The following NCS1 variants were observed in gnomAD, a reference collection of about 807,000 sequenced individuals.
NCS1 encodes the protein neuronal calcium sensor 1.
A neutral mutation model predicts 28.4 loss-of-function variants in NCS1; 6 were observed. That is an observed-to-expected ratio of 0.21 (90% CI 0.12 to 0.42). The LOEUF is 0.42. NCS1 is among the 10% of genes least tolerant of loss of function. The pLI is 1.00. For missense variants in NCS1, 131 were observed against 241.4 expected (o/e 0.54, Z 3.03); for synonymous variants, 86 against 99.3 (o/e 0.87, Z 0.79).
intron 2 of NCS1, 131 bp from the exon 3 acceptor site, chr9:130,217,701 T>C: frequency 7.4e-7 from 1 of 1,346,782 alleles, no homozygotes; most frequent in South Asian, 1.2e-5. Flanking sequence ...ATCAAGTCCA[T>C]GGCCCCATGG....
chr9:130,178,460 AG>A (rs1832606113), intron 1 of NCS1, among the ~76,000 whole-genome samples: 1 of 152,200 alleles, frequency 6.6e-6, no homozygotes, highest in Non-Finnish European at 1.5e-5. Context: ...TCCCCGGCAG[AG>A]GCCTTGGGAT....
Position 130,186,252 on chromosome 9 carries a change from G to A in NCS1, c.64+13525G>A, listed in dbSNP as rs1215850989. On this transcript the variant is annotated intron_variant, in intron 1 of 7. Transcript: ENST00000372398. This position sits in a 1 kb window ranked among gnomAD's most constrained non-coding sequence, Gnocchi z 4.1. ...GCCCTGCTGGCATTCACAGTTTGGC[G>A]GGGAGGCAGATGTCAGGCTGGGATA... Among the ~76,000 whole-genome samples the A allele has an allele frequency of 3.9e-5, 6 of 152,188 alleles. No homozygotes were observed. Among genetic ancestry groups the A allele is most frequent in the East Asian group, 1.9e-4 (1 of 5,178 alleles).
At position 130,172,712 on chromosome 9, in the gene NCS1, A is replaced by G; in HGVS notation, c.49A>G (p.Thr17Ala). The change falls in exon 1 of 8, where the codon ACC becomes GCC. Residue 17 changes from threonine (T) to alanine (A), a missense_variant. Thr to Ala is a moderately conservative substitution (Grantham distance 58, BLOSUM62 0). Transcript: ENST00000372398. ...KLKPEVVEEL[T>A]RKTYFTEKEV... is the part of the protein sequence containing the mutation. ...GAAGCCCGAAGTTGTGGAGGAGCTG[A>G]CCAGGAAGACCTACTGTGAGTGCTC... is the stretch of plus-strand genomic sequence containing the variant. The G allele has an allele frequency of 6.6e-7, 1 of 1,511,548 alleles. No homozygotes were observed. The highest frequency in any genetic ancestry group is 8.9e-7 in the Non-Finnish European group (1 of 1,124,592). 93.6% of individuals were successfully genotyped at this position (1,511,548 alleles called of 1,614,324 possible).
rs1833249186 is a variant in NCS1, at chr9:130,219,776, C to T, written c.280C>T (p.Arg94Trp). ...CATCCAGGCGCTGTCGGTGACCTCA[C>T]GGGGAACCCTGGATGAGAAGCTACG... is the stretch of plus-strand genomic sequence containing the variant. ...EFIQALSVTS[R>W]GTLDEKLRWA... The change falls in exon 4 of 8, where the codon CGG (arginine) becomes TGG (tryptophan). Residue 94 changes from arginine (R) to tryptophan (W), a missense_variant. Coordinates refer to ENST00000372398, the MANE Select transcript of NCS1 (RefSeq NM_014286.4). This position sits in a 1 kb window ranked among gnomAD's most constrained non-coding sequence, Gnocchi z 5.7. 4 of 1,614,230 alleles carry T rather than the reference C, an allele frequency of 2.5e-6. No individual in the cohort carries two copies. Among genetic ancestry groups the T allele is most frequent in the African/African-American group, 1.3e-5 (1 of 75,062 alleles).
chr9:130,189,325 C>G (rs1366779733), intron 1 of NCS1, among the ~76,000 whole-genome samples: 2 of 152,200 alleles, frequency 1.3e-5, no homozygotes, highest in African/African-American at 2.4e-5. Flanking sequence ...TACCCAAGGT[C>G]ACTTGTCTAC....
intron 1 of NCS1, among the ~76,000 whole-genome samples, chr9:130,198,524 G>A (rs868934173): frequency 2.6e-5 from 4 of 152,208 alleles, no homozygotes; most frequent in Admixed American, 2.6e-4. Flanking sequence ...ATCTCTAGGG[G>A]CACCGTCCCA....
intron 1 of NCS1, among the ~76,000 whole-genome samples, chr9:130,198,485 G>T (rs545439331): frequency 6.6e-6 from 1 of 152,334 alleles, no homozygotes; most frequent in South Asian, 2.1e-4. Context: ...CAGACTCAAG[G>T]AGTTGTATCC....
chr9:130,234,295 TTCCAGGCAA>T lies in NCS1; in HGVS notation c.*1327_*1335del, dbSNP rs1554912571. ...TGGGAGGGAGGGAAGGAGAGAAGAG[TTCCAGGCAA>T]TCCCATCAATATAGTCCCTACACCT... is the stretch of plus-strand genomic sequence containing the variant. On this transcript the variant is annotated 3_prime_UTR_variant, in exon 8 of 8. Coordinates refer to ENST00000372398, the MANE Select transcript of NCS1 (RefSeq NM_014286.4). This position sits in a 1 kb window ranked among gnomAD's most constrained non-coding sequence, Gnocchi z 6.1. The T allele has an allele frequency of 6.6e-6, 1 of 152,004 alleles. No individual in the cohort carries two copies. The highest frequency in any genetic ancestry group is 2.4e-5 in the African/African-American group (1 of 41,324). 9.4% of individuals were successfully genotyped at this position (152,004 alleles called of 1,614,324 possible). A position where few individuals can be genotyped will look rare whatever the true frequency, so the allele number is the denominator to read the frequency against.
chr9:130,195,188 C>A (rs1195872098), intron 1 of NCS1, among the ~76,000 whole-genome samples: 1 of 152,226 alleles, frequency 6.6e-6, no homozygotes, highest in Non-Finnish European at 1.5e-5. Context: ...CGGGGTCACT[C>A]ATCCAAGACC....
chr9:130,206,050 G>A (rs1371525632), intron 2 of NCS1, among the ~76,000 whole-genome samples: 2 of 152,146 alleles, frequency 1.3e-5, no homozygotes, highest in African/African-American at 2.4e-5. Context: ...TCAGGGCGAC[G>A]CTAGACCAGG....
intron 7 of NCS1, among the ~76,000 whole-genome samples, chr9:130,228,237 G>A (rs1248323954): frequency 6.6e-6 from 1 of 151,334 alleles, no homozygotes; most frequent in Non-Finnish European, 1.5e-5. Context: ...CAGCCACCAG[G>A]TCATGGCTCA....
At chr9:130,183,227 C>T (rs75482458) in intron 1 of NCS1, among the ~76,000 whole-genome samples, 35 of 152,254 alleles carry the variant, frequency 2.3e-4, no homozygotes, top group East Asian at 2.1e-3. Flanking sequence ...CTCTCAGGGC[C>T]GCAGTCTCTC....
chr9:130,195,505 C>T (rs1554906735), intron 1 of NCS1, among the ~76,000 whole-genome samples: 2 of 151,822 alleles, frequency 1.3e-5, no homozygotes, highest in Non-Finnish European at 1.5e-5. Flanking sequence ...CTCACTACAA[C>T]CTCTGCCTCC....
intron 1 of NCS1, among the ~76,000 whole-genome samples, chr9:130,197,861 G>A (rs2131132523): frequency 6.6e-6 from 1 of 152,114 alleles, no homozygotes; most frequent in East Asian, 1.9e-4. Flanking sequence ...TACTTGGGAG[G>A]CTGAGGCACA....
chr9:130,221,353 A>C (rs1231764615), intron 4 of NCS1, among the ~76,000 whole-genome samples: 1 of 135,554 alleles, frequency 7.4e-6, no homozygotes, highest in African/African-American at 2.7e-5. Context: ...TATATATAAA[A>C]TATTTAATAT....
intron 1 of NCS1, among the ~76,000 whole-genome samples, chr9:130,198,224 A>C (rs1554907056): frequency 6.6e-6 from 1 of 151,590 alleles, no homozygotes; most frequent in Admixed American, 6.6e-5. Context: ...CCCTTCTCCC[A>C]CCTCCCTGCT....
intron 7 of NCS1, among the ~76,000 whole-genome samples, chr9:130,228,367 T>G (rs1486073872): frequency 6.6e-6 from 1 of 151,798 alleles, no homozygotes; most frequent in East Asian, 1.9e-4. Context: ...AAAGTGTTTT[T>G]TTTGTTTGTT....
At position 130,224,036 on chromosome 9, in the gene NCS1, C is replaced by T. The variant is rs544939377; in HGVS notation, c.474+877C>T. Among the ~76,000 whole-genome samples, 5 of 151,694 alleles carry T rather than the reference C, an allele frequency of 3.3e-5. No individual in the cohort carries two copies. In the East Asian group the frequency reaches 9.9e-4, roughly 30 times the overall value. On this transcript the variant is annotated intron_variant, in intron 6 of 7. Coordinates refer to ENST00000372398, the MANE Select transcript of NCS1 (RefSeq NM_014286.4). Reference sequence around the variant, plus strand: ...TAATTTTTTGTATTTTTAGTAGAGACGGGATTTCACCGTGTTAGCCAGGAT... The same window carrying T: ...TAATTTTTTGTATTTTTAGTAGAGATGGGATTTCACCGTGTTAGCCAGGAT...
In NCS1 at chr9:130,209,856, C is replaced by T. The variant is rs1217831793; in HGVS notation, c.90-7976C>T. Among the ~76,000 whole-genome samples the T allele has an allele frequency of 3.9e-5, 6 of 152,254 alleles. No homozygotes were observed. The highest frequency in any genetic ancestry group is 2.1e-4 in the South Asian group (1 of 4,822). ...ACACAGTCAACCATATCAGAAACCT[C>T]GGCTTCCCGTGGCTGGGGATCGCAG... On this transcript the variant is annotated intron_variant, in intron 2 of 7. Coordinates refer to ENST00000372398, the MANE Select transcript of NCS1 (RefSeq NM_014286.4). This position sits in a 1 kb window ranked among gnomAD's most constrained non-coding sequence, Gnocchi z 4.4.
Sources: gnomAD v4.1 joint callset for allele counts (sites outside exome capture counted in the v4.1 genomes callset) on GRCh38, gnomAD v4.1.1 for gene constraint, Gnocchi (gnomAD v3.1) non-coding constraint, MANE v1.5 for transcripts, NCBI Gene and HGNC (gene_info 2026-07-23, HGNC 2026-07-21) for gene names.